The following CUL2 variants were observed in gnomAD, a reference collection of about 807,000 sequenced individuals.
The protein encoded by CUL2 is cullin 2.
CUL2 carries 22 observed loss-of-function variants against 110.2 expected under a neutral mutation model. The ratio of observed to expected loss-of-function variants is 0.20; its 90% CI spans 0.14 to 0.28. CUL2 has a LOEUF of 0.28. Ranked by LOEUF, CUL2 falls within the 10% of genes least tolerant of loss-of-function variation. CUL2 has a pLI of 1.00. For missense variants in CUL2, 631 were observed against 905.5 expected, an observed-to-expected ratio of 0.70 and a Z score of 3.89; for synonymous variants, 279 against 293.2, an observed-to-expected ratio of 0.95 and a Z score of 0.49.
intron 1 of CUL2, among the ~76,000 whole-genome samples, chr10:35,081,758 T>G (rs957720945): frequency 5.9e-5 from 9 of 152,088 alleles, no homozygotes; most frequent in African/African-American, 2.2e-4. Context: ...CCAGGTGTGG[T>G]GGCATGCACC....
chr10:35,057,314 T>C (rs940867266), intron 4 of CUL2, among the ~76,000 whole-genome samples: 2 of 151,844 alleles, frequency 1.3e-5, no homozygotes, highest in African/African-American at 4.8e-5. Flanking sequence ...GTCTTTCTTA[T>C]TGCAGATTTT....
intron 1 of CUL2, among the ~76,000 whole-genome samples, chr10:35,119,559 A>ATTTTTTTT (rs1207931893): frequency 7.5e-5 from 10 of 132,636 alleles, no homozygotes; most frequent in African/African-American, 2.7e-4. Context: ...TTTAAAATTA[A>ATTTTTTTT]TTTTATTTAT....
chr10:35,106,838 A>C (rs1452612229), intron 1 of CUL2, among the ~76,000 whole-genome samples: 1 of 152,082 alleles, frequency 6.6e-6, no homozygotes, highest in Non-Finnish European at 1.5e-5. Flanking sequence ...CTGAAGGCTA[A>C]GATTTTAAAG....
At chr10:35,114,157 C>T (rs1004587833) in intron 1 of CUL2, among the ~76,000 whole-genome samples, 5 of 151,538 alleles carry the variant, frequency 3.3e-5, no homozygotes, top group Admixed American at 3.3e-4. Flanking sequence ...CTCCTGACCT[C>T]GTGATCCGCC....
intron 9 of CUL2, 91 bp downstream of exon 9, chr10:35,038,829 A>T: frequency 1.4e-6 from 1 of 709,946 alleles, no homozygotes; most frequent in Non-Finnish European, 2.2e-6. Context: ...AAAGACTATT[A>T]CTAAAATAGG....
intron 19 of CUL2, 79 bp from the exon 20 acceptor site, chr10:35,012,043 A>T: frequency 4.0e-6 from 3 of 747,352 alleles, no homozygotes; most frequent in East Asian, 2.9e-5. Context: ...TTTATCAGTG[A>T]GTGCAAATAC....
chr10:35,052,053 T>TA (rs1208257882), intron 5 of CUL2, among the ~76,000 whole-genome samples: 5 of 152,180 alleles, frequency 3.3e-5, no homozygotes, highest in African/African-American at 1.2e-4. Context: ...TTCAAATATA[T>TA]TTTCCCCACA....
At chr10:35,098,536 T>C (rs1200295869) in intron 2 of CUL2, among the ~76,000 whole-genome samples, 1 of 151,588 alleles carries the variant, frequency 6.6e-6, no homozygotes, top group Non-Finnish European at 1.5e-5. Context: ...GACCTATTTC[T>C]ACCAAGAAAA....
At chr10:35,109,417 T>C (rs1231393444) in intron 1 of CUL2, among the ~76,000 whole-genome samples, 1 of 152,182 alleles carries the variant, frequency 6.6e-6, no homozygotes, top group Non-Finnish European at 1.5e-5. Flanking sequence ...AGGGTCCTTT[T>C]CTCAATAAAC....
intron 1 of CUL2, among the ~76,000 whole-genome samples, chr10:35,113,181 C>CAAAAAAAAAA (rs71660665): frequency 8.2e-5 from 3 of 36,632 alleles, no homozygotes; most frequent in African/African-American, 1.2e-4. Context: ...GACTCCATCT[C>CAAAAAAAAAA]AAAAAAAAAA....
chr10:35,052,574 T>C (rs2086137969), intron 5 of CUL2, among the ~76,000 whole-genome samples: 2 of 152,182 alleles, frequency 1.3e-5, no homozygotes, highest in Non-Finnish European at 2.9e-5. Flanking sequence ...AATAGTGGTG[T>C]TCACTGCAGT....
chr10:35,090,300 C>A lies in CUL2; in HGVS notation c.-144G>T. 6.4e-6 allele frequency: 1 copy of A among 156,402 alleles called. No individual in the cohort carries two copies. The highest frequency in any genetic ancestry group is 1.8e-4 in the South Asian group (1 of 5,666). The allele number at this position is 156,402 out of a possible 1,614,324, so 9.7% of individuals were successfully genotyped here. A position where few individuals can be genotyped will look rare whatever the true frequency, so the allele number is the denominator to read the frequency against. ...GCGGCGGCGGCGGCGGCTGTCAGCT[C>A]GCGTTCCCCTGCTCACAGCGCTGCC... On this transcript the variant is annotated 5_prime_UTR_variant, in exon 1 of 21. Coordinates refer to ENST00000374749, the MANE Select transcript of CUL2 (RefSeq NM_003591.4).
chr10:35,025,607 T>C (rs1169783276), intron 16 of CUL2, among the ~76,000 whole-genome samples: 1 of 152,220 alleles, frequency 6.6e-6, no homozygotes. Flanking sequence ...TGCCAACATA[T>C]AGCTTCCACA....
At chr10:35,035,395 T>C (rs1467596137) in intron 9 of CUL2, 99 bp from the exon 10 acceptor site, 26 of 1,337,848 alleles carry the variant, frequency 1.9e-5, no homozygotes, top group Non-Finnish European at 2.6e-5. Context: ...CGGATCCAAG[T>C]GCAGAGCACC....
intron 1 of CUL2, among the ~76,000 whole-genome samples, chr10:35,121,749 A>G (rs968035751): frequency 1.3e-5 from 2 of 151,752 alleles, no homozygotes; most frequent in Non-Finnish European, 2.9e-5. Context: ...GGTCGAGGCT[A>G]CAGTGAACCA....
At chr10:35,030,265 T>C (rs747136747) in intron 14 of CUL2, among the ~76,000 whole-genome samples, 2 of 152,272 alleles carry the variant, frequency 1.3e-5, no homozygotes, top group Non-Finnish European at 2.9e-5. Context: ...TAATAGCATC[T>C]ACTGAGTGCT....
intron 2 of CUL2, chr10:35,063,753 T>TC (rs1364771223): frequency 6.6e-6 from 1 of 151,628 alleles, no homozygotes; most frequent in Non-Finnish European, 1.5e-5. Flanking sequence ...CATTTCCTTT[T>TC]TTTTTTTTTT....
chr10:35,082,245 C>T (rs918966196), intron 1 of CUL2, among the ~76,000 whole-genome samples: 4 of 152,088 alleles, frequency 2.6e-5, no homozygotes, highest in African/African-American at 9.7e-5. Flanking sequence ...ATATATGCTA[C>T]GACAAGGATT....
At chr10:35,117,169 C>A (rs1249112397) in intron 1 of CUL2, among the ~76,000 whole-genome samples, 1 of 152,154 alleles carries the variant, frequency 6.6e-6, no homozygotes, top group Non-Finnish European at 1.5e-5. Flanking sequence ...AAGAGAAGGG[C>A]ACTAGCTTAC....
Sources: allele counts gnomAD v4.1 joint callset (sites outside exome capture counted in the v4.1 genomes callset), GRCh38; gene constraint gnomAD v4.1.1; transcripts MANE v1.5; gene names NCBI Gene and HGNC (gene_info 2026-07-23, HGNC 2026-07-21).